CLVS1: variants seen among roughly 807,000 people sequenced by gnomAD.
CLVS1 encodes clavesin-1.
A neutral mutation model predicts 33.1 loss-of-function variants in CLVS1; 10 were observed. The ratio of observed to expected loss-of-function variants is 0.30; its 90% CI spans 0.19 to 0.51. The LOEUF is 0.51. CLVS1 is among the 20% of genes least tolerant of loss of function. CLVS1 has a pLI of 0.97. For synonymous variants in CLVS1, 163 were observed against 166.1 expected, an observed-to-expected ratio of 0.98 and a Z score of 0.14; for missense variants, 343 against 433.4, an observed-to-expected ratio of 0.79 and a Z score of 1.85.
At chr8:61,448,679 C>A (rs1280013777) in intron 3 of CLVS1, among the ~76,000 whole-genome samples, 1 of 150,854 alleles carries the variant, frequency 6.6e-6, no homozygotes, top group Non-Finnish European at 1.5e-5. Flanking sequence ...AGTCTGAGAC[C>A]AGCCTGGGCA....
At chr8:61,245,937 A>T (rs1275651064) in intron 2 of CLVS1, among the ~76,000 whole-genome samples, 1 of 145,834 alleles carries the variant, frequency 6.9e-6, no homozygotes, top group Non-Finnish European at 1.5e-5. Context: ...CCAGTTAATT[A>T]AAAAAAAATT....
chr8:61,382,881 C>T lies in CLVS1; in HGVS notation c.630+6102C>T, dbSNP rs376781185. Among the ~76,000 whole-genome samples, 19 of 152,260 alleles carry T rather than the reference C, an allele frequency of 1.2e-4. No individual in the cohort carries two copies. The East Asian group carries it at 1.9e-3, about 15-fold the overall frequency. ...GGCAAATCATTCACTTTCTGGGTCT[C>T]GGTTTCCTCATTTGTGAAATGTGGT... is the stretch of plus-strand genomic sequence containing the variant. On this transcript the variant is annotated intron_variant, in intron 3 of 5. Coordinates refer to ENST00000325897, the MANE Select transcript of CLVS1 (RefSeq NM_173519.3).
chr8:61,015,032 A>C, the CLVS1 span, among the ~76,000 whole-genome samples: 1 of 152,272 alleles, frequency 6.6e-6, no homozygotes, highest in African/African-American at 2.4e-5. Context: ...TAGAAATACC[A>C]AATCTGCCAG....
intron 2 of CLVS1, chr8:61,300,960 C>G (rs1008085623): frequency 6.6e-6 from 1 of 152,216 alleles, no homozygotes; most frequent in Non-Finnish European, 1.5e-5. Context: ...CTTCCCTTCT[C>G]TTTGCTTCTA....
At chr8:61,415,375 A>T (rs542636895) in intron 3 of CLVS1, among the ~76,000 whole-genome samples, 1 of 152,266 alleles carries the variant, frequency 6.6e-6, no homozygotes, top group African/African-American at 2.4e-5. Flanking sequence ...TCACAATCCC[A>T]ATCTCTTCAT....
At chr8:61,227,691 G>A (rs1307961165) in intron 2 of CLVS1, among the ~76,000 whole-genome samples, 1 of 152,158 alleles carries the variant, frequency 6.6e-6, no homozygotes, top group African/African-American at 2.4e-5. Context: ...CTCGCTCTCT[G>A]TCAAAGGTCA....
chr8:61,121,035 C>G (rs1013473103), intron 1 of CLVS1, among the ~76,000 whole-genome samples: 12 of 151,198 alleles, frequency 7.9e-5, no homozygotes, highest in Non-Finnish European at 1.5e-4. Flanking sequence ...ACTCCGTGGG[C>G]GTAGGACCCT....
At chr8:61,216,452 C>T (rs16927014) in intron 2 of CLVS1, among the ~76,000 whole-genome samples, 12,527 of 152,188 alleles carry the variant, frequency 0.082, 988 homozygotes, top group African/African-American at 0.21. Context: ...TGTCTTTCAG[C>T]TTCCTCAGAA....
At chr8:61,245,240 G>A (rs544541842) in intron 2 of CLVS1, among the ~76,000 whole-genome samples, 1 of 151,954 alleles carries the variant, frequency 6.6e-6, no homozygotes, top group East Asian at 1.9e-4. Context: ...TGCTCTGTTG[G>A]TAGGTGATCT....
the CLVS1 span, among the ~76,000 whole-genome samples, chr8:60,996,472 G>C: frequency 3.3e-5 from 5 of 152,206 alleles, no homozygotes; most frequent in Admixed American, 1.3e-4. Context: ...TGAAGACAGT[G>C]GGAGAAGGAG....
At chr8:60,995,921 C>G in the CLVS1 span, among the ~76,000 whole-genome samples, 1 of 152,076 alleles carries the variant, frequency 6.6e-6, no homozygotes, top group South Asian at 2.1e-4. Context: ...AACAAAAAAC[C>G]AAACACCGCA....
intron 2 of CLVS1, chr8:61,202,415 A>T (rs1482340560): frequency 1.3e-6 from 1 of 769,160 alleles, no homozygotes; most frequent in East Asian, 2.4e-5. Flanking sequence ...TTTGGTTGTG[A>T]ACTAAAGGCT....
At chr8:61,031,054 G>A in the CLVS1 span, among the ~76,000 whole-genome samples, 5 of 152,202 alleles carry the variant, frequency 3.3e-5, no homozygotes, top group African/African-American at 1.2e-4. Flanking sequence ...AGTCTATGAA[G>A]CTCTGGGCAA....
At chr8:61,222,702 C>T (rs1364044334) in intron 2 of CLVS1, among the ~76,000 whole-genome samples, 1 of 152,184 alleles carries the variant, frequency 6.6e-6, no homozygotes, top group Non-Finnish European at 1.5e-5. Context: ...CCACTTGATG[C>T]AGAGTTGAGT....
At chr8:61,254,979 AT>A (rs1179342877) in intron 2 of CLVS1, among the ~76,000 whole-genome samples, 1 of 152,174 alleles carries the variant, frequency 6.6e-6, no homozygotes, top group Non-Finnish European at 1.5e-5. Flanking sequence ...TGCAGAAATC[AT>A]TCGTCTTCTG....
At chr8:61,190,869 G>C (rs1366509745) in intron 2 of CLVS1, among the ~76,000 whole-genome samples, 1 of 152,178 alleles carries the variant, frequency 6.6e-6, no homozygotes, top group Admixed American at 6.5e-5. Context: ...CTCTGAAATT[G>C]AGGCAATAAT....
At position 61,497,974 on chromosome 8, in the gene CLVS1, C is replaced by T. The variant is rs75706120; in HGVS notation, c.978-1481C>T. Among the ~76,000 whole-genome samples the T allele has an allele frequency of 8.6e-3, 1,312 of 152,136 alleles. 13 individuals are homozygous for T. The highest frequency in any genetic ancestry group is 0.028 in the African/African-American group (1,173 of 41,492). On this transcript the variant is annotated intron_variant, in intron 5 of 5. Transcript: ENST00000325897. ...ATCACTCTCATCGCCGTCTTGGTTT[C>T]GGTGGGTTTTGTCTGGCTTTTTTAC...
At chr8:61,483,711 C>T (rs994335908) in intron 5 of CLVS1, among the ~76,000 whole-genome samples, 4 of 152,204 alleles carry the variant, frequency 2.6e-5, no homozygotes, top group African/African-American at 9.6e-5. Flanking sequence ...AAAATACTGG[C>T]AAACTGAATG....
At chr8:61,154,883 A>G (rs750218013) in intron 2 of CLVS1, among the ~76,000 whole-genome samples, 6 of 152,308 alleles carry the variant, frequency 3.9e-5, no homozygotes, top group Middle Eastern at 6.8e-3. Flanking sequence ...GGGAAGAAAA[A>G]GAATGTGAAA....
Sources: allele counts gnomAD v4.1 joint callset (sites outside exome capture counted in the v4.1 genomes callset), GRCh38; gene constraint gnomAD v4.1.1; transcripts MANE v1.5; gene names NCBI Gene and HGNC (gene_info 2026-07-23, HGNC 2026-07-21).